Variants in ADGRL3 observed in about 807,000 individuals in gnomAD.
The protein encoded by ADGRL3 is calcium-independent alpha-latrotoxin receptor 3.
A neutral mutation model predicts 153.5 loss-of-function variants in ADGRL3; 62 were observed. The ratio of observed to expected loss-of-function variants is 0.40; its 90% CI spans 0.33 to 0.50. The LOEUF (loss-of-function observed/expected upper bound fraction) is 0.50, where lower values mean the gene tolerates loss of function less well. Among genes scored for constraint, ADGRL3 ranks in the 20% least tolerant of loss-of-function variants. ADGRL3 has a pLI of 0.47. For synonymous variants in ADGRL3, 710 were observed against 672.5 expected (o/e 1.06, Z -0.86); for missense variants, 1,641 against 1,859.4 (o/e 0.88, Z 2.16).
chr4:61,497,666 C>G (rs1245755139), intron 3 of ADGRL3, among the ~76,000 whole-genome samples: 1 of 148,150 alleles, frequency 6.7e-6, no homozygotes, highest in Admixed American at 6.9e-5. Context: ...CAGGCGCCCA[C>G]CACCACGCCT....
chr4:62,074,846 G>T lies in ADGRL3; in HGVS notation c.*3938G>T, dbSNP rs1031691702. On this transcript the variant is annotated 3_prime_UTR_variant, in exon 27 of 27. Transcript: ENST00000683033. ...ATTCTTATTAGTATTAACTTAATTG[G>T]TATGACAAAACTTTTCATAATAGAT... 9 of 152,014 alleles carry T rather than the reference G, an allele frequency of 5.9e-5. No individual in the cohort carries two copies. Among genetic ancestry groups the T allele is most frequent in the African/African-American group, 1.9e-4 (8 of 41,392 alleles). 9.4% of individuals were successfully genotyped at this position (152,014 alleles called of 1,614,324 possible).
chr4:61,775,585 CT>C, intron 8 of ADGRL3: 1 of 989,878 alleles, frequency 1.0e-6, no homozygotes, highest in East Asian at 2.4e-5. Flanking sequence ...GAGGCCTACC[CT>C]TTCCCCTAGT....
intron 25 of ADGRL3, among the ~76,000 whole-genome samples, chr4:62,051,621 A>G (rs1582069405): frequency 1.3e-5 from 2 of 151,756 alleles, no homozygotes; most frequent in East Asian, 3.9e-4. Context: ...CAACTAAACA[A>G]TAATAAACAG....
At chr4:61,580,631 G>C (rs984072) in intron 4 of ADGRL3, among the ~76,000 whole-genome samples, 151,454 of 152,100 alleles carry the variant, frequency 1, 75,412 homozygotes, top group Middle Eastern at 1. Context: ...GTATAGCCCC[G>C]GGGTTTCTCA....
intron 2 of ADGRL3, among the ~76,000 whole-genome samples, chr4:61,400,365 A>G (rs1005741992): frequency 6.6e-6 from 1 of 151,848 alleles, no homozygotes; most frequent in African/African-American, 2.4e-5. Flanking sequence ...AAATAAATAT[A>G]GGAAAAAATA....
chr4:61,733,033 C>G lies in ADGRL3; in HGVS notation c.878C>G (p.Thr293Ser), dbSNP rs2096464337. 6.2e-7 allele frequency: 1 copy of G among 1,613,590 alleles called. No individual in the cohort carries two copies. Among genetic ancestry groups the G allele is most frequent in the African/African-American group, 1.3e-5 (1 of 74,970 alleles). Residue 293 changes from threonine to serine, a missense_variant, in exon 8 of 27, where the codon ACC becomes AGC. Physicochemically the swap from Thr to Ser is moderately conservative, Grantham distance 58 (BLOSUM62 1). Transcript: ENST00000683033. ...DGALFFNKER[T>S]RNIVKFDLRT... Reference sequence around the variant, plus strand: ...GCTTTGTTCTTCAACAAAGAGCGCACCAGGAACATAGTAAAGTTTGATTTG... The same window carrying G: ...GCTTTGTTCTTCAACAAAGAGCGCAGCAGGAACATAGTAAAGTTTGATTTG...
Position 62,071,628 on chromosome 4 carries a change from A to C in ADGRL3, c.*720A>C, listed in dbSNP as rs1204580766. On this transcript the variant is annotated 3_prime_UTR_variant, in exon 27 of 27. Transcript: ENST00000683033. ...GTTCCTCCAGAATTTGAGTCCTGTT[A>C]ATGTAGTAGAAAAAAAAAAAAGAAA... 8.2e-6 allele frequency: 3 copies of C among 363,828 alleles called. No homozygotes were observed. The highest frequency in any genetic ancestry group is 1.6e-5 in the Non-Finnish European group (3 of 189,820). 22.5% of individuals were successfully genotyped at this position (363,828 alleles called of 1,614,324 possible). A position where few individuals can be genotyped will look rare whatever the true frequency, so the allele number is the denominator to read the frequency against.
chr4:61,857,163 C>T (rs1013226463), intron 9 of ADGRL3, among the ~76,000 whole-genome samples: 1 of 151,066 alleles, frequency 6.6e-6, no homozygotes, highest in African/African-American at 2.4e-5. Flanking sequence ...AACTCCAGGC[C>T]TCAAACAATT....
At chr4:61,707,775 C>A (rs966724355) in intron 6 of ADGRL3, among the ~76,000 whole-genome samples, 1 of 152,172 alleles carries the variant, frequency 6.6e-6, no homozygotes, top group African/African-American at 2.4e-5. Flanking sequence ...TGTATCCCAG[C>A]ATGCTTCCAC....
chr4:62,006,003 C>CATATAT (rs1217370949), intron 21 of ADGRL3, among the ~76,000 whole-genome samples: 7 of 48,988 alleles, frequency 1.4e-4, no homozygotes, highest in East Asian at 9.0e-4. Flanking sequence ...CACACACACA[C>CATATAT]ATATATATAT....
rs551302821 is a variant in ADGRL3, at chr4:61,693,690, A to C, written c.583+16755A>C. On this transcript the variant is annotated intron_variant, in intron 6 of 26. Transcript: ENST00000683033. ...AAGGTTAAAAAGATAAAGTTTATTT[A>C]GTTTTCAACATTGCCTTCTTGCAGT... 6.6e-5 allele frequency among the ~76,000 whole-genome samples: 10 copies of C among 152,314 alleles called. No individual in the cohort carries two copies. In the East Asian group the frequency reaches 1.7e-3, roughly 26 times the overall value.
At chr4:61,204,724 A>T (rs1357303840) in intron 1 of ADGRL3, among the ~76,000 whole-genome samples, 1 of 152,204 alleles carries the variant, frequency 6.6e-6, no homozygotes, top group Non-Finnish European at 1.5e-5. Flanking sequence ...TGATTAACTC[A>T]AAGTTTTATA....
chr4:61,847,818 T>TA (rs368920881), intron 9 of ADGRL3, among the ~76,000 whole-genome samples: 869 of 14,486 alleles, frequency 0.06, 164 homozygotes, highest in Non-Finnish European at 0.12. Flanking sequence ...ATATTATATA[T>TA]ATATAATATA....
chr4:61,315,094 T>C (rs1301062758), intron 1 of ADGRL3, among the ~76,000 whole-genome samples: 2 of 152,128 alleles, frequency 1.3e-5, no homozygotes, highest in African/African-American at 2.4e-5. Context: ...AAGCTGAGAT[T>C]TGAAGAATAA....
chr4:61,978,008 C>G (rs1391043173), intron 17 of ADGRL3, among the ~76,000 whole-genome samples: 1 of 152,020 alleles, frequency 6.6e-6, no homozygotes, highest in Non-Finnish European at 1.5e-5. Context: ...CATGAATACT[C>G]AGTGTTTAGC....
intron 1 of ADGRL3, among the ~76,000 whole-genome samples, chr4:61,379,759 C>T (rs1284227821): frequency 1.3e-5 from 2 of 152,030 alleles, no homozygotes; most frequent in African/African-American, 4.8e-5. Flanking sequence ...TTCCTGGAAT[C>T]TTATTTTAGT....
chr4:61,460,449 C>A (rs558994109), intron 2 of ADGRL3, among the ~76,000 whole-genome samples: 1 of 151,912 alleles, frequency 6.6e-6, no homozygotes, highest in South Asian at 2.1e-4. Flanking sequence ...GCCAAGCACA[C>A]CAAGACAAAT....
chr4:61,381,293 T>TTGTGTGTGTGTGTGTGTG (rs55767359), intron 1 of ADGRL3, among the ~76,000 whole-genome samples: 7 of 141,370 alleles, frequency 5.0e-5, no homozygotes, highest in African/African-American at 1.1e-4. Flanking sequence ...ATAAACAAGT[T>TTGTGTGTGTGTGTGTGTG]TGTGTGTGTG....
chr4:62,016,487 T>C (rs868594240), intron 21 of ADGRL3, among the ~76,000 whole-genome samples: 3 of 152,238 alleles, frequency 2.0e-5, no homozygotes, highest in African/African-American at 7.2e-5. Flanking sequence ...CCATCCTTTT[T>C]CTGAACATTG....
Sources: gnomAD v4.1 joint callset for allele counts (sites outside exome capture counted in the v4.1 genomes callset) on GRCh38, gnomAD v4.1.1 for gene constraint, MANE v1.5 for transcripts, NCBI Gene and HGNC (gene_info 2026-07-23, HGNC 2026-07-21) for gene names.